ASB17: variants seen among roughly 807,000 people sequenced by gnomAD.
ASB17 encodes the protein ankyrin repeat and SOCS box protein 17.
ASB17 carries 26 observed loss-of-function variants against 25.7 expected under a neutral mutation model. That is an observed-to-expected ratio of 1.01 (90% CI 0.74 to 1.40). The LOEUF is 1.40. Among genes scored for constraint, ASB17 ranks in the 40% most tolerant of loss-of-function variants. ASB17 has a pLI of 0.00. For synonymous variants in ASB17, 128 were observed against 121.4 expected (o/e 1.05, Z -0.36); for missense variants, 326 against 338.5 (o/e 0.96, Z 0.29).
intron 1 of ASB17, among the ~76,000 whole-genome samples, chr1:75,923,821 C>T (rs1246638337): frequency 2.0e-5 from 3 of 152,286 alleles, no homozygotes; most frequent in African/African-American, 7.2e-5. Flanking sequence ...GGCCTCTTTA[C>T]ATCTGTTTCC....
intron 1 of ASB17, among the ~76,000 whole-genome samples, chr1:75,926,017 G>C (rs2100612591): frequency 6.6e-6 from 1 of 152,188 alleles, no homozygotes; most frequent in East Asian, 1.9e-4. Context: ...AGTATGCATG[G>C]CCTTTAGACC....
chr1:75,919,389 T>C (rs1652968453), intron 2 of ASB17, among the ~76,000 whole-genome samples: 1 of 152,182 alleles, frequency 6.6e-6, no homozygotes, highest in South Asian at 2.1e-4. Flanking sequence ...CAACAGTTTT[T>C]TTTTTTATTA....
chr1:75,923,403 T>A (rs1346954039), intron 1 of ASB17, among the ~76,000 whole-genome samples: 1 of 152,178 alleles, frequency 6.6e-6, no homozygotes, highest in East Asian at 1.9e-4. Flanking sequence ...TTAAATGGTA[T>A]ATACTTCTTG....
At chr1:75,925,728 C>T (rs948837003) in intron 1 of ASB17, among the ~76,000 whole-genome samples, 1 of 152,174 alleles carries the variant, frequency 6.6e-6, no homozygotes, top group African/African-American at 2.4e-5. Context: ...CATAATATTT[C>T]CATACAGACA....
At chr1:75,926,293 C>T (rs79322031) in intron 1 of ASB17, among the ~76,000 whole-genome samples, 11,265 of 152,192 alleles carry the variant, frequency 0.074, 628 homozygotes, top group East Asian at 0.25. Flanking sequence ...ATAAGTAGAG[C>T]AGAATAAGAA....
chr1:75,925,878 T>C lies in ASB17; in HGVS notation c.402-3519A>G, dbSNP rs560945208. On this transcript the variant is annotated intron_variant, in intron 1 of 2. Coordinates refer to ENST00000284142, the MANE Select transcript of ASB17 (RefSeq NM_080868.3). ...ATGTGTGATATTTCACACAGTTGAC[T>C]TTCTTAAAACTATGTTTTCCTTTTA... Among the ~76,000 whole-genome samples, 132 of 152,322 alleles carry C rather than the reference T, an allele frequency of 8.7e-4. 2 individuals are homozygous for C. The highest frequency in any genetic ancestry group is 1.7e-3 in the South Asian group (8 of 4,830).
chr1:75,929,203 AT>A (rs201757257), intron 1 of ASB17, among the ~76,000 whole-genome samples: 3 of 150,312 alleles, frequency 2.0e-5, no homozygotes, highest in African/African-American at 7.3e-5. Context: ...TAGGGTTTTT[AT>A]TTTTTTTTAT....
At chr1:75,927,865 G>T (rs1479684340) in intron 1 of ASB17, among the ~76,000 whole-genome samples, 1 of 152,140 alleles carries the variant, frequency 6.6e-6, no homozygotes, top group African/African-American at 2.4e-5. Context: ...TAAATTTCAT[G>T]TTCCTCACTC....
chr1:75,918,946 C>T lies in ASB17; in HGVS notation c.*6G>A, dbSNP rs1436246916. ...ATTGTTAAGGAACTTAGGACACTGACGTATGTTAGATTTCTAAATTCAGAT... is the reference window on the plus strand; with the variant it reads ...ATTGTTAAGGAACTTAGGACACTGATGTATGTTAGATTTCTAAATTCAGAT... On this transcript the variant is annotated 3_prime_UTR_variant, in exon 3 of 3. Transcript: ENST00000284142. 9.4e-6 allele frequency: 15 copies of T among 1,599,984 alleles called. No homozygotes were observed. The highest frequency in any genetic ancestry group is 8.3e-5 in the Admixed American group (5 of 59,952).
At chr1:75,919,848 T>C (rs918278709) in intron 2 of ASB17, among the ~76,000 whole-genome samples, 5 of 152,214 alleles carry the variant, frequency 3.3e-5, no homozygotes, top group South Asian at 4.1e-4. Flanking sequence ...AATAAACATA[T>C]GTGTGCATGT....
At chr1:75,926,090 T>A (rs1653165730) in intron 1 of ASB17, among the ~76,000 whole-genome samples, 1 of 152,216 alleles carries the variant, frequency 6.6e-6, no homozygotes, top group African/African-American at 2.4e-5. Flanking sequence ...CCTGTCCATT[T>A]ATTTATTTCA....
At chr1:75,931,051 T>C (rs1037759352) in intron 1 of ASB17, among the ~76,000 whole-genome samples, 1 of 152,240 alleles carries the variant, frequency 6.6e-6, no homozygotes, top group Non-Finnish European at 1.5e-5. Flanking sequence ...AACTCTGCTT[T>C]AGGCAGAATC....
At chr1:75,921,098 TTG>T (rs1447790715) in intron 2 of ASB17, among the ~76,000 whole-genome samples, 2 of 152,290 alleles carry the variant, frequency 1.3e-5, no homozygotes, top group African/African-American at 4.8e-5. Flanking sequence ...TCTACTAGTG[TTG>T]TATCTCAGGA....
chr1:75,924,099 A>C (rs904541406), intron 1 of ASB17, among the ~76,000 whole-genome samples: 25 of 152,094 alleles, frequency 1.6e-4, no homozygotes, highest in African/African-American at 6.0e-4. Flanking sequence ...GGTTATCCAG[A>C]AACTACGATT....
intron 2 of ASB17, among the ~76,000 whole-genome samples, chr1:75,919,385 T>C (rs867842135): frequency 6.9e-6 from 1 of 145,888 alleles, no homozygotes; most frequent in Non-Finnish European, 1.5e-5. Context: ...AAGGCAACAG[T>C]TTTTTTTTTT....
At chr1:75,919,684 A>G (rs889638820) in intron 2 of ASB17, among the ~76,000 whole-genome samples, 2 of 152,136 alleles carry the variant, frequency 1.3e-5, no homozygotes, top group African/African-American at 4.8e-5. Flanking sequence ...ATGATTTCCA[A>G]TTTCATCCAT....
intron 1 of ASB17, among the ~76,000 whole-genome samples, chr1:75,925,840 A>C (rs1653156931): frequency 6.6e-6 from 1 of 152,132 alleles, no homozygotes; most frequent in Admixed American, 6.5e-5. Flanking sequence ...ATGCTTCTCC[A>C]GAATAATTTT....
At chr1:75,926,124 T>C (rs1044144227) in intron 1 of ASB17, among the ~76,000 whole-genome samples, 4 of 152,236 alleles carry the variant, frequency 2.6e-5, no homozygotes, top group African/African-American at 9.6e-5. Flanking sequence ...GCATACTATA[T>C]GCCAGGAACT....
rs766620765 is a variant in ASB17 at position 75,931,969 on chromosome 1, G to A, written c.323C>T (p.Pro108Leu). ...LYWVFARKGN[P>L]DFVELLLKKT... ...CTTGAGAAGCAATTCCACAAAGTCA[G>A]GATTACCTTTTCTGGCAAAAACCCA... The change falls in exon 1 of 3, where the codon CCT (proline) becomes CTT (leucine). Residue 108 changes from proline to leucine, a missense_variant. Pro to Leu is a moderately conservative substitution (Grantham distance 98). Coordinates refer to ENST00000284142, the MANE Select transcript of ASB17 (RefSeq NM_080868.3). The A allele has an allele frequency of 5.6e-6, 9 of 1,614,010 alleles. No individual in the cohort carries two copies. In the Middle Eastern group the frequency reaches 1.3e-3, roughly 237 times the overall value.
Sources: gnomAD v4.1 joint callset for allele counts (sites outside exome capture counted in the v4.1 genomes callset) on GRCh38, gnomAD v4.1.1 for gene constraint, MANE v1.5 for transcripts, NCBI Gene and HGNC (gene_info 2026-07-23, HGNC 2026-07-21) for gene names.